Variants in RBM33 observed in about 807,000 individuals in gnomAD.
The protein encoded by RBM33 is RNA-binding protein 33.
Under a neutral mutation model 132.6 loss-of-function variants are expected in RBM33, and 28 were observed. The ratio of observed to expected loss-of-function variants is 0.21; its 90% CI spans 0.16 to 0.29. The LOEUF (loss-of-function observed/expected upper bound fraction) is 0.29, where lower values mean the gene tolerates loss of function less well. Ranked by LOEUF, RBM33 falls within the 10% of genes least tolerant of loss-of-function variation. The probability of loss-of-function intolerance (pLI) is 1.00; values close to 1 mark genes in which losing one functional copy is unlikely to be tolerated. For missense variants in RBM33, 1,291 were observed against 1,518.5 expected (o/e 0.85, Z 2.49); for synonymous variants, 634 against 593.0 (o/e 1.07, Z -1.01).
intron 9 of RBM33, among the ~76,000 whole-genome samples, chr7:155,718,999 A>T (rs1585483173): frequency 2.6e-5 from 4 of 152,206 alleles, no homozygotes; most frequent in Admixed American, 2.0e-4. Context: ...ACTTATACAC[A>T]CACAGAAATG....
chr7:155,708,230 A>G (rs1166550482), intron 7 of RBM33, among the ~76,000 whole-genome samples: 1 of 152,230 alleles, frequency 6.6e-6, no homozygotes, highest in Non-Finnish European at 1.5e-5. Context: ...AGGAGTAGGT[A>G]GGCATACACA....
At chr7:155,742,611 T>G (rs1365534677) in intron 13 of RBM33, among the ~76,000 whole-genome samples, 3 of 152,224 alleles carry the variant, frequency 2.0e-5, no homozygotes, top group Non-Finnish European at 2.9e-5. Flanking sequence ...CTTTTCTTGA[T>G]TTACACTATT....
At chr7:155,682,598 C>T (rs1799366860) in intron 5 of RBM33, among the ~76,000 whole-genome samples, 1 of 152,186 alleles carries the variant, frequency 6.6e-6, no homozygotes, top group Non-Finnish European at 1.5e-5. Context: ...GTAAGTTCAG[C>T]AGTCCAACAA....
chr7:155,718,543 T>A (rs924663523), intron 9 of RBM33, 100 bp downstream of exon 9: 2 of 1,002,576 alleles, frequency 2.0e-6, no homozygotes, highest in Non-Finnish European at 3.1e-6. Context: ...AAATATAATT[T>A]TAAGGATTTG....
intron 9 of RBM33, among the ~76,000 whole-genome samples, chr7:155,732,982 G>A (rs1356432011): frequency 6.6e-6 from 1 of 152,210 alleles, no homozygotes; most frequent in East Asian, 1.9e-4. Flanking sequence ...AGGAGTCAGA[G>A]GCTTGGGTAT....
chr7:155,762,924 T>C (rs1802084460), intron 14 of RBM33, among the ~76,000 whole-genome samples: 1 of 152,242 alleles, frequency 6.6e-6, no homozygotes, highest in South Asian at 2.1e-4. Context: ...TCTGCCGTCC[T>C]TGCTGTTCTT....
At chr7:155,735,740 T>TCC (rs1801106161) in intron 9 of RBM33, among the ~76,000 whole-genome samples, 2 of 86,932 alleles carry the variant, frequency 2.3e-5, no homozygotes, top group Admixed American at 1.2e-4. Flanking sequence ...TCTCTCTCTC[T>TCC]CCCTCTCTCA....
In RBM33 at chr7:155,673,477, C is replaced by CGT. The variant is rs1491404678; in HGVS notation, c.171+567_171+568dup. 1.5e-3 allele frequency among the ~76,000 whole-genome samples: 196 copies of CGT among 130,518 alleles called. 2 individuals are homozygous for CGT. The highest frequency in any genetic ancestry group is 4.3e-3 in the African/African-American group (151 of 35,256). The allele number at this position is 130,518 out of a possible 152,430, so 85.6% of individuals were successfully genotyped here. ...ATACCCACATATATATATACATACA[C>CGT]GTGTGTATATATATACACACATATA... is the stretch of plus-strand genomic sequence containing the variant. On this transcript the variant is annotated intron_variant, in intron 3 of 17. Coordinates refer to ENST00000401878, the MANE Select transcript of RBM33 (RefSeq NM_053043.3).
At chr7:155,765,545 C>G (rs1802185458) in intron 15 of RBM33, among the ~76,000 whole-genome samples, 1 of 152,226 alleles carries the variant, frequency 6.6e-6, no homozygotes, top group African/African-American at 2.4e-5. Context: ...CTGCCTTTCT[C>G]TGTGATGGAC....
At chr7:155,719,947 C>T (rs1441985551) in intron 9 of RBM33, among the ~76,000 whole-genome samples, 1 of 152,018 alleles carries the variant, frequency 6.6e-6, no homozygotes, top group Non-Finnish European at 1.5e-5. Flanking sequence ...TTTCATTTTT[C>T]AGTTGTGCAA....
intron 11 of RBM33, 92 bp downstream of exon 11, chr7:155,738,495 A>G: frequency 4.0e-6 from 5 of 1,237,050 alleles, no homozygotes. Flanking sequence ...TGAGCCTACT[A>G]ATTTGTGGTT....
At chr7:155,689,879 T>A (rs536732773) in intron 5 of RBM33, among the ~76,000 whole-genome samples, 48 of 152,260 alleles carry the variant, frequency 3.2e-4, no homozygotes, top group African/African-American at 1.1e-3. Context: ...TGCTGAGGAG[T>A]GCTTTACTTC....
Position 155,737,507 on chromosome 7 carries a change from CTGT to C in RBM33, c.1261-9_1261-7del, listed in dbSNP as rs749469115. ...TTTTTCTGTCCTTCACCCTGTTTCT[CTGT>C]TGTTGTTGTTGTTCTTTAGGGCCCT... On this transcript the variant is annotated intron_variant, in intron 9 of 17. Transcript: ENST00000401878. 693 of 1,551,942 alleles carry C rather than the reference CTGT, an allele frequency of 4.5e-4. No homozygotes were observed. Among genetic ancestry groups the C allele is most frequent in the South Asian group, 1.6e-3 (132 of 81,842 alleles).
chr7:155,722,873 G>A (rs762502998), intron 9 of RBM33, among the ~76,000 whole-genome samples: 1 of 152,236 alleles, frequency 6.6e-6, no homozygotes, highest in African/African-American at 2.4e-5. Flanking sequence ...TTTTACATTG[G>A]TGTTTCGGGC....
intron 5 of RBM33, among the ~76,000 whole-genome samples, chr7:155,698,312 A>G (rs2116953540): frequency 6.6e-6 from 1 of 152,228 alleles, no homozygotes; most frequent in South Asian, 2.1e-4. Context: ...GGTTGTCGTG[A>G]GCTGAGATCG....
At chr7:155,664,550 G>A (rs1585409736) in intron 1 of RBM33, among the ~76,000 whole-genome samples, 2 of 152,148 alleles carry the variant, frequency 1.3e-5, no homozygotes. Flanking sequence ...GGGATTACAG[G>A]CATGAGCCAC....
At chr7:155,738,488 G>A in intron 11 of RBM33, 85 bp downstream of exon 11, 1 of 1,290,470 alleles carries the variant, frequency 7.7e-7, no homozygotes, top group East Asian at 2.4e-5. Context: ...TTTTATTTGA[G>A]CCTACTAATT....
chr7:155,648,571 A>G (rs1798264881), intron 1 of RBM33, among the ~76,000 whole-genome samples: 1 of 152,214 alleles, frequency 6.6e-6, no homozygotes, highest in South Asian at 2.1e-4. Flanking sequence ...AATCACTAAT[A>G]GTGCTGATAA....
chr7:155,649,808 C>A (rs1798305862), intron 1 of RBM33, among the ~76,000 whole-genome samples: 1 of 152,158 alleles, frequency 6.6e-6, no homozygotes, highest in African/African-American at 2.4e-5. Context: ...AAACCAAAAC[C>A]AAAAAACAAA....
Sources: allele counts gnomAD v4.1 joint callset (sites outside exome capture counted in the v4.1 genomes callset), GRCh38; gene constraint gnomAD v4.1.1; transcripts MANE v1.5; gene names NCBI Gene and HGNC (gene_info 2026-07-23, HGNC 2026-07-21).